The following GNAL variants were observed in gnomAD, a reference collection of about 807,000 sequenced individuals.
The protein encoded by GNAL is guanine nucleotide-binding protein G(olf) subunit alpha.
A neutral mutation model predicts 55.1 loss-of-function variants in GNAL; 18 were observed. That is an observed-to-expected ratio of 0.33 (90% CI 0.23 to 0.48). GNAL has a LOEUF of 0.48. GNAL is among the 20% of genes least tolerant of loss of function. The probability of loss-of-function intolerance (pLI) is 0.99; values close to 1 mark genes in which losing one functional copy is unlikely to be tolerated. For missense variants in GNAL, 412 were observed against 614.1 expected (o/e 0.67, Z 3.48); for synonymous variants, 253 against 237.0 (o/e 1.07, Z -0.62).
chr18:11,867,131 T>TC, intron 7 of GNAL, 37 bp from the exon 8 acceptor site: 3 of 1,531,726 alleles, frequency 2.0e-6, no homozygotes, highest in African/African-American at 2.7e-5. Context: ...GTCCCCTGCT[T>TC]CCCCCAAATA....
chr18:11,748,997 G>A (rs930504316), intron 1 of GNAL, among the ~76,000 whole-genome samples: 1 of 151,866 alleles, frequency 6.6e-6, no homozygotes, highest in Admixed American at 6.6e-5. Context: ...GTGATGGCGG[G>A]TGCCTATAAT....
In GNAL at chr18:11,867,245, C is replaced by G. The variant is rs75042016; in HGVS notation, c.910+19C>G. The stretch of plus-strand genomic sequence containing the variant: ...TTTAACGGTGATTTTTTTATGCTCT[C>G]TCAAGAAAATAGGAGTGAATTCTAA... On this transcript the variant is annotated intron_variant, in intron 8 of 11. Transcript: ENST00000334049. The G allele has an allele frequency of 1.5e-4, 230 of 1,529,726 alleles. 2 individuals are homozygous for G. In the African/African-American group the frequency reaches 3.0e-3, roughly 20 times the overall value. 94.8% of individuals were successfully genotyped at this position (1,529,726 alleles called of 1,614,324 possible). A position where few individuals can be genotyped will look rare whatever the true frequency, so the allele number is the denominator to read the frequency against.
intron 4 of GNAL, among the ~76,000 whole-genome samples, chr18:11,795,176 G>C (rs1330865338): frequency 1.3e-5 from 2 of 152,042 alleles, no homozygotes; most frequent in African/African-American, 2.4e-5. Flanking sequence ...GAGGCAGCTG[G>C]ATCACTTGAG....
intron 5 of GNAL, 69 bp from the exon 6 acceptor site, chr18:11,862,326 A>T: frequency 8.1e-7 from 1 of 1,241,592 alleles, no homozygotes; most frequent in South Asian, 1.2e-5. Context: ...ATGTCCCATT[A>T]ATTTCTCCCC....
At position 11,853,070 on chromosome 18, in the gene GNAL, A is replaced by G. The variant is rs530729660; in HGVS notation, c.723-9325A>G. Reference sequence around the variant, plus strand: ...GAAAACCCTAGGACTGTGTGTGTGTAGGTTTTGTTTTGATTTTAACAACCA... The same window carrying G: ...GAAAACCCTAGGACTGTGTGTGTGTGGGTTTTGTTTTGATTTTAACAACCA... On this transcript the variant is annotated intron_variant, in intron 5 of 11. Transcript: ENST00000334049. 4 of 167,112 alleles carry G rather than the reference A, an allele frequency of 2.4e-5. No individual in the cohort carries two copies. In the South Asian group the frequency reaches 6.2e-4, roughly 26 times the overall value. The allele number at this position is 167,112 out of a possible 1,614,324, so 10.4% of individuals were successfully genotyped here.
intron 5 of GNAL, among the ~76,000 whole-genome samples, chr18:11,841,635 G>A (rs111584213): frequency 3.0e-4 from 38 of 125,102 alleles, no homozygotes; most frequent in African/African-American, 8.4e-4. Flanking sequence ...ACAGAGTAAG[G>A]GTCTGTCTCA....
At chr18:11,725,362 A>C (rs1226899227) in intron 1 of GNAL, among the ~76,000 whole-genome samples, 1 of 152,212 alleles carries the variant, frequency 6.6e-6, no homozygotes, top group Non-Finnish European at 1.5e-5. Context: ...TCCGCAAGCC[A>C]GGGAAAGAGA....
chr18:11,696,113 G>GT (rs1598398621), intron 1 of GNAL, among the ~76,000 whole-genome samples: 1 of 152,102 alleles, frequency 6.6e-6, no homozygotes, highest in African/African-American at 2.4e-5. Flanking sequence ...TGCTGTCTTC[G>GT]TTTTTTGCCA....
chr18:11,763,893 G>A (rs2033322831), intron 4 of GNAL, among the ~76,000 whole-genome samples: 1 of 152,026 alleles, frequency 6.6e-6, no homozygotes, highest in Non-Finnish European at 1.5e-5. Flanking sequence ...TGACTTTGTA[G>A]AACACCCACA....
At chr18:11,840,508 G>C (rs904471437) in intron 5 of GNAL, among the ~76,000 whole-genome samples, 1 of 152,224 alleles carries the variant, frequency 6.6e-6, no homozygotes, top group African/African-American at 2.4e-5. Flanking sequence ...CTGATGCAAA[G>C]GTCAGTTTCT....
chr18:11,735,255 T>G (rs556679590), intron 1 of GNAL, among the ~76,000 whole-genome samples: 1 of 151,962 alleles, frequency 6.6e-6, no homozygotes, highest in African/African-American at 2.4e-5. Context: ...TTCACCATGT[T>G]GACCAGGCTG....
At chr18:11,754,417 CAAA>C (rs777493527) in intron 4 of GNAL, among the ~76,000 whole-genome samples, 1 of 119,472 alleles carries the variant, frequency 8.4e-6, no homozygotes, top group African/African-American at 3.0e-5. Flanking sequence ...ACTCCCATCT[CAAA>C]AAAAAAAAAA....
chr18:11,762,608 G>A (rs970104584), intron 4 of GNAL, among the ~76,000 whole-genome samples: 2 of 152,168 alleles, frequency 1.3e-5, no homozygotes, highest in African/African-American at 4.8e-5. Context: ...CTTCAGGGTG[G>A]GTGGCACCTT....
chr18:11,786,303 T>C (rs2034053786), intron 4 of GNAL, among the ~76,000 whole-genome samples: 1 of 152,136 alleles, frequency 6.6e-6, no homozygotes, highest in Admixed American at 6.5e-5. Flanking sequence ...TTATTTTTCC[T>C]GTGCCTTTGA....
intron 4 of GNAL, among the ~76,000 whole-genome samples, chr18:11,770,187 A>G (rs1230934076): frequency 6.6e-6 from 1 of 152,216 alleles, no homozygotes; most frequent in Non-Finnish European, 1.5e-5. Flanking sequence ...GAGTTGTTTC[A>G]ATAGCTGGAA....
In GNAL at chr18:11,751,763, G is replaced by C. The variant is rs868384412; in HGVS notation, c.377-1090G>C. On this transcript the variant is annotated intron_variant, in intron 1 of 11. Transcript: ENST00000334049. This position sits in a 1 kb window ranked among gnomAD's most constrained non-coding sequence, Gnocchi z 4.5. ...GGGTCAGCTCCCTGACCCCTACAGCGCGGTAGCGCCTCTCCGAGAGCTCCG... is the reference window on the plus strand; with the variant it reads ...GGGTCAGCTCCCTGACCCCTACAGCCCGGTAGCGCCTCTCCGAGAGCTCCG... 72 of 629,596 alleles carry C rather than the reference G, an allele frequency of 1.1e-4. No homozygotes were observed. The highest frequency in any genetic ancestry group is 1.4e-4 in the Non-Finnish European group (70 of 504,168). 39.0% of individuals were successfully genotyped at this position (629,596 alleles called of 1,614,324 possible).
At chr18:11,880,117 C>T (rs111341194) in intron 11 of GNAL, among the ~76,000 whole-genome samples, 4,391 of 150,754 alleles carry the variant, frequency 0.029, 157 homozygotes, top group African/African-American at 0.08. Context: ...AGTAGCCAGG[C>T]GTGGTGGCGC....
chr18:11,757,755 A>C (rs1347077964), intron 4 of GNAL, among the ~76,000 whole-genome samples: 1 of 152,152 alleles, frequency 6.6e-6, no homozygotes, highest in Non-Finnish European at 1.5e-5. Flanking sequence ...CCAGGTGGAC[A>C]GCTGGATGCG....
intron 5 of GNAL, among the ~76,000 whole-genome samples, chr18:11,837,247 G>A (rs893652024): frequency 1.3e-5 from 2 of 152,146 alleles, no homozygotes; most frequent in Non-Finnish European, 2.9e-5. Flanking sequence ...AAAGTGCTGG[G>A]ATTACAGGCG....
Sources: allele counts gnomAD v4.1 joint callset (sites outside exome capture counted in the v4.1 genomes callset), GRCh38; gene constraint gnomAD v4.1.1; non-coding constraint Gnocchi (gnomAD v3.1); transcripts MANE v1.5; gene names NCBI Gene and HGNC (gene_info 2026-07-23, HGNC 2026-07-21).